Variants in SENP1 observed in about 807,000 individuals in gnomAD.
The protein encoded by SENP1 is SUMO specific peptidase 1.
SENP1 carries 21 observed loss-of-function variants against 93.0 expected under a neutral mutation model. The ratio of observed to expected loss-of-function variants is 0.23; its 90% CI spans 0.16 to 0.33. SENP1 has a LOEUF of 0.33. SENP1 is among the 10% of genes least tolerant of loss of function. SENP1 has a pLI of 1.00. For synonymous variants in SENP1, 256 were observed against 259.6 expected (o/e 0.99, Z 0.13); for missense variants, 591 against 758.7 (o/e 0.78, Z 2.60).
At chr12:48,082,283 A>G (rs1944544917) in intron 6 of SENP1, among the ~76,000 whole-genome samples, 1 of 152,206 alleles carries the variant, frequency 6.6e-6, no homozygotes, top group Non-Finnish European at 1.5e-5. Flanking sequence ...ACTGATTACC[A>G]AATTATGTAA....
intron 4 of SENP1, among the ~76,000 whole-genome samples, chr12:48,091,731 T>G (rs1437905122): frequency 6.6e-6 from 1 of 152,058 alleles, no homozygotes; most frequent in East Asian, 1.9e-4. Flanking sequence ...CATGCTGGAG[T>G]ACAGTGGCAC....
At chr12:48,092,591 G>GC (rs936981588) in intron 4 of SENP1, among the ~76,000 whole-genome samples, 5 of 152,278 alleles carry the variant, frequency 3.3e-5, no homozygotes, top group African/African-American at 1.2e-4. Flanking sequence ...TCTGCTTCAA[G>GC]CTGTAATTTA....
In SENP1 at chr12:48,105,414, A is replaced by T. The variant is rs144008691; in HGVS notation, c.-45+614T>A. 286 of 519,054 alleles carry T rather than the reference A, an allele frequency of 5.5e-4. 4 individuals carry two copies. The highest frequency in any genetic ancestry group is 5.1e-3 in the African/African-American group (267 of 52,090). The allele number at this position is 519,054 out of a possible 1,614,324, so 32.2% of individuals were successfully genotyped here. A position where few individuals can be genotyped will look rare whatever the true frequency, so the allele number is the denominator to read the frequency against. On this transcript the variant is annotated intron_variant, in intron 1 of 17. Coordinates refer to ENST00000549518, the MANE Select transcript of SENP1 (RefSeq NM_001267594.2). ...TCAAGGGAATTACCAGGAGGCGATG[A>T]GCCAGGTAAGCAAATTGTGGCAGTT... is the stretch of plus-strand genomic sequence containing the variant.
chr12:48,050,425 C>T (rs1941711446), intron 13 of SENP1, among the ~76,000 whole-genome samples: 1 of 152,202 alleles, frequency 6.6e-6, no homozygotes, highest in Admixed American at 6.5e-5. Flanking sequence ...GAAAACCACA[C>T]TCGCCATGAG....
Position 48,063,764 on chromosome 12 carries a change from G to C in SENP1, c.1353C>G (p.Thr451=), listed in dbSNP as rs751848628. Residue 451 remains threonine (T), a synonymous_variant, in exon 13 of 18, where the codon ACC becomes ACG. Transcript: ENST00000549518. ...GAGTTTGAATATCTTTGCGTGTAAT[G>C]GTCAGGCGAAATGCTTCACTGAGAA... ...DEVLSEAFRL[T]ITRKDIQTLN... 2 of 1,613,000 alleles carry C rather than the reference G, an allele frequency of 1.2e-6. No homozygotes were observed. Among genetic ancestry groups the C allele is most frequent in the Admixed American group, 3.3e-5 (2 of 59,968 alleles).
intron 9 of SENP1, among the ~76,000 whole-genome samples, chr12:48,067,954 G>A (rs1033713175): frequency 6.6e-6 from 1 of 152,134 alleles, no homozygotes. Flanking sequence ...TCCACCTCTC[G>A]GGTTCAAGAG....
At position 48,048,034 on chromosome 12, in the gene SENP1, C is replaced by A. The variant is rs1363532440; in HGVS notation, c.1658G>T (p.Gly553Val). ...TCTGCAGGCTTCATTGTTTATCCCA[C>A]CCATGGAGTCGTAATAGGTAATATT... The part of the protein sequence containing the change: ...KKNITYYDSM[G>V]GINNEACRIL... Residue 553 changes from glycine to valine, a missense_variant, in exon 15 of 18, where the codon GGT becomes GTT. Gly to Val is a moderately radical substitution (Grantham distance 109). This residue lies in a region of SENP1 where 132 missense variants were observed against 230.1 expected (regional missense o/e 0.57). Transcript: ENST00000549518. The A allele has an allele frequency of 6.2e-7, 1 of 1,608,064 alleles. No individual in the cohort carries two copies. The highest frequency in any genetic ancestry group is 2.2e-5 in the East Asian group (1 of 44,812).
chr12:48,078,317 T>TATATATATATATATATATATATA (rs1944242485), intron 6 of SENP1, among the ~76,000 whole-genome samples: 3 of 70,730 alleles, frequency 4.2e-5, no homozygotes, highest in African/African-American at 1.5e-4. Flanking sequence ...CTGTAGGATT[T>TATATATATATATATATATATATA]TATATATATA....
intron 4 of SENP1, among the ~76,000 whole-genome samples, chr12:48,093,785 C>T (rs139514589): frequency 6.7e-6 from 1 of 149,040 alleles, no homozygotes; most frequent in Non-Finnish European, 1.5e-5. Context: ...GACAACATGG[C>T]GAAACTCCGT....
intron 13 of SENP1, among the ~76,000 whole-genome samples, chr12:48,050,593 T>TA (rs1350432450): frequency 2.6e-5 from 4 of 152,226 alleles, no homozygotes; most frequent in African/African-American, 9.6e-5. Flanking sequence ...GATCAGTTGT[T>TA]ACAGATAATA....
intron 2 of SENP1, among the ~76,000 whole-genome samples, chr12:48,098,628 A>G (rs1410063174): frequency 5.5e-5 from 8 of 144,714 alleles, no homozygotes; most frequent in African/African-American, 2.1e-4. Flanking sequence ...GGGCAACAAG[A>G]GCAAAACTCC....
chr12:48,066,971 G>T lies in SENP1; in HGVS notation c.996-6C>A. Reference sequence around the variant, plus strand: ...CTGCCTGGAAGAAAGTAGAACTATGGGTAGGAAAAGAAAAATTTGACAAAT... The same window carrying T: ...CTGCCTGGAAGAAAGTAGAACTATGTGTAGGAAAAGAAAAATTTGACAAAT... On this transcript the variant is annotated splice_region_variant and splice_polypyrimidine_tract_variant and intron_variant, in intron 9 of 17. Coordinates refer to ENST00000549518, the MANE Select transcript of SENP1 (RefSeq NM_001267594.2). 1 of 1,550,010 alleles carries T rather than the reference G, an allele frequency of 6.5e-7. No homozygotes were observed. Among genetic ancestry groups the T allele is most frequent in the South Asian group, 1.2e-5 (1 of 83,018 alleles).
intron 10 of SENP1, among the ~76,000 whole-genome samples, 193 bp downstream of exon 10, chr12:48,066,734 A>T (rs1565762886): frequency 6.6e-6 from 1 of 151,572 alleles, no homozygotes; most frequent in Non-Finnish European, 1.5e-5. Context: ...CTGGTCTTGA[A>T]CTCCTGACCT....
At chr12:48,058,845 T>C (rs1942767774) in intron 13 of SENP1, among the ~76,000 whole-genome samples, 1 of 152,186 alleles carries the variant, frequency 6.6e-6, no homozygotes, top group Non-Finnish European at 1.5e-5. Context: ...GTGATGCATT[T>C]GTTTGTCTGG....
intron 5 of SENP1, chr12:48,085,519 T>C: frequency 3.7e-6 from 2 of 533,394 alleles, no homozygotes; most frequent in Non-Finnish European, 6.6e-6. Flanking sequence ...TTTGAGCCTC[T>C]AATTTCCAAG....
At chr12:48,048,829 C>A in intron 14 of SENP1, 100 bp downstream of exon 14, 1 of 843,466 alleles carries the variant, frequency 1.2e-6, no homozygotes. Flanking sequence ...CTCTTTCTCT[C>A]AATAATCAAG....
Position 48,057,941 on chromosome 12 carries a change from C to CTTTT in SENP1, c.1407+5765_1407+5768dup, listed in dbSNP as rs370210767. On this transcript the variant is annotated intron_variant, in intron 13 of 17. Coordinates refer to ENST00000549518, the MANE Select transcript of SENP1 (RefSeq NM_001267594.2). Reference sequence around the variant, plus strand: ...TTTCACCTGTTTCATTTTATTTCCTCTTTTTTTTTTTTTTTTTTTTTTTGA... The same window carrying CTTTT: ...TTTCACCTGTTTCATTTTATTTCCTCTTTTTTTTTTTTTTTTTTTTTTTTTTTGA... Among the ~76,000 whole-genome samples, 839 of 85,624 alleles carry CTTTT rather than the reference C, an allele frequency of 9.8e-3. 35 individuals are homozygous for CTTTT. The highest frequency in any genetic ancestry group is 0.017 in the African/African-American group (348 of 20,520). 56.2% of individuals were successfully genotyped at this position (85,624 alleles called of 152,430 possible).
intron 1 of SENP1, among the ~76,000 whole-genome samples, chr12:48,104,268 GGGGGGC>G (rs1946248215): frequency 1.1e-4 from 9 of 80,428 alleles, no homozygotes; most frequent in Non-Finnish European, 1.5e-4. Context: ...GGGGGGGGGG[GGGGGGC>G]GGAGGGAGGG....
chr12:48,062,018 T>C (rs946774160), intron 13 of SENP1, among the ~76,000 whole-genome samples: 1 of 152,148 alleles, frequency 6.6e-6, no homozygotes, highest in Non-Finnish European at 1.5e-5. Context: ...TAATTTCCAT[T>C]AACTTAGCTT....
Sources: allele counts gnomAD v4.1 joint callset (sites outside exome capture counted in the v4.1 genomes callset), GRCh38; gene constraint gnomAD v4.1.1; regional missense constraint gnomAD v4.1.1; transcripts MANE v1.5; gene names NCBI Gene and HGNC (gene_info 2026-07-23, HGNC 2026-07-21).